Variants in SRPK3 observed in about 807,000 individuals in gnomAD.
SRPK3 encodes SRSF protein kinase 3.
SRPK3 carries 26 observed loss-of-function variants against 45.3 expected under a neutral mutation model. The observed-to-expected ratio is 0.57, with a 90% CI of 0.42 to 0.80. SRPK3 has a LOEUF of 0.80. Among genes scored for constraint, SRPK3 ranks in the 30% least tolerant of loss-of-function variants. The probability of loss-of-function intolerance (pLI) is 0.00; values close to 1 mark genes in which losing one functional copy is unlikely to be tolerated. For missense variants in SRPK3, 536 were observed against 514.5 expected (o/e 1.04, Z -0.40); for synonymous variants, 254 against 226.6 (o/e 1.12, Z -1.09).
chrX:153,783,831 G>GGCT lies in SRPK3; in HGVS notation c.857_859dup (p.Leu286dup). ...CAGCAGAAGCGGCTGCTGGAGGAGC[G>GGCT]GCTGCGGGACCTGCAGAGGCTGGAG... On this transcript the variant is annotated inframe_insertion, in exon 9 of 15. Transcript: ENST00000370101. 1.9e-5 allele frequency: 23 copies of GGCT among 1,200,695 alleles called. No individual in the cohort carries two copies. The highest frequency in any genetic ancestry group is 2.4e-5 in the Non-Finnish European group (21 of 890,410).
intron 2 of SRPK3, 54 bp downstream of exon 2, chrX:153,781,400 G>A: frequency 7.7e-6 from 9 of 1,170,759 alleles, no homozygotes; most frequent in Non-Finnish European, 1.0e-5. Flanking sequence ...GGGACCCAGG[G>A]CAGTCCTGGG....
At chrX:153,782,276 C>A in intron 5 of SRPK3, 68 bp downstream of exon 5, 1 of 971,874 alleles carries the variant, frequency 1.0e-6, no homozygotes, top group Non-Finnish European at 1.5e-6. Context: ...GCCCTCGCTG[C>A]TAGAGCCTGT....
intron 8 of SRPK3, among the ~76,000 whole-genome samples, 157 bp downstream of exon 8, chrX:153,783,408 G>A (rs2092064558): frequency 8.9e-6 from 1 of 112,639 alleles, no homozygotes; most frequent in Non-Finnish European, 1.9e-5. Flanking sequence ...AATTCCCGGG[G>A]GGGGTCAAGT....
rs1335895349 is a variant in SRPK3, at chrX:153,783,870, C to T, written c.893C>T (p.Ala298Val). Residue 298 changes from alanine to valine, a missense_variant, in exon 9 of 15, where the codon GCC becomes GTC. By Grantham distance (64) the Ala-to-Val change is moderately conservative. Transcript: ENST00000370101. The stretch of plus-strand genomic sequence containing the variant: ...CAGAGGCTGGAGGCCATGGAGGCTG[C>T]CACCCAGGCTGAGGGTGAGGGGCCA... Reference protein sequence around the residue: ...DLQRLEAMEAATQAEDSGLRL... With the variant: ...DLQRLEAMEAVTQAEDSGLRL... The T allele has an allele frequency of 7.6e-6, 9 of 1,189,996 alleles. No homozygotes were observed. The African/African-American group carries it at 1.4e-4, about 19-fold the overall frequency.
chrX:153,785,122 C>A lies in SRPK3; in HGVS notation c.1468C>A (p.Pro490Thr), dbSNP rs782478221. 36 of 1,211,128 alleles carry A rather than the reference C, an allele frequency of 3.0e-5. No homozygotes were observed. Among genetic ancestry groups the A allele is most frequent in the Non-Finnish European group, 4.0e-5 (36 of 895,383 alleles). ...HIVELLGDIPPAFALSGRYSR... is the reference protein window; with the variant it reads ...HIVELLGDIPTAFALSGRYSR... ...AGTGGAGCTTCTGGGGGACATCCCC[C>A]CAGCCTTCGCCCTCTCAGGCCGCTA... The change falls in exon 14 of 15, where the codon CCA becomes ACA. Residue 490 changes from proline to threonine, a missense_variant. Pro to Thr is a conservative substitution (Grantham distance 38, BLOSUM62 -1). Coordinates refer to ENST00000370101, the MANE Select transcript of SRPK3 (RefSeq NM_014370.4).
chrX:153,783,631 G>C, intron 8 of SRPK3, 121 bp from the exon 9 acceptor site: 1 of 1,089,321 alleles, frequency 9.2e-7, no homozygotes, highest in Non-Finnish European at 1.2e-6. Context: ...CCACATTCTG[G>C]TGTCCATGGG....
At position 153,784,375 on chromosome X, in the gene SRPK3, T is replaced by C. The variant is rs1557068205; in HGVS notation, c.1229T>C (p.Leu410Pro). ...AAGATCAAGATCAAGATCGCAGACC[T>C]GGGCAACGCCTGCTGGGTGGTATGA... ...ADKIKIKIAD[L>P]GNACWVHKHF... is the part of the protein sequence containing the mutation. Residue 410 changes from leucine to proline, a missense_variant, in exon 11 of 15, where the codon CTG (leucine) becomes CCG (proline). Transcript: ENST00000370101. The C allele has an allele frequency of 3.3e-6, 4 of 1,211,066 alleles. No individual in the cohort carries two copies. The highest frequency in any genetic ancestry group is 4.5e-6 in the Non-Finnish European group (4 of 895,295).
At chrX:153,783,147 G>A (rs782001663) in intron 7 of SRPK3, 29 bp downstream of exon 7, 56 of 1,181,576 alleles carry the variant, frequency 4.7e-5, no homozygotes, top group Non-Finnish European at 5.5e-5. Context: ...GGGCTGGGTC[G>A]GGGCCTCTGG....
At position 153,783,055 on chromosome X, in the gene SRPK3, C is replaced by T. The variant is rs375284895; in HGVS notation, c.685C>T (p.Arg229Cys). The T allele has an allele frequency of 1.8e-5, 21 of 1,175,491 alleles. No homozygotes were observed. The highest frequency in any genetic ancestry group is 3.0e-5 in the East Asian group (1 of 33,378). ...LLCVGDAYIR[R>C]LAAEATEWQQ... is the part of the protein sequence containing the mutation. ...GTGTGTGGGGGACGCTTACATCAGG[C>T]GCCTGGCTGCCGAGGCCACGGAGTG... Residue 229 changes from arginine (R) to cysteine (C), a missense_variant, in exon 7 of 15, where the codon CGC (arginine) becomes TGC (cysteine). Arg to Cys is a radical substitution (Grantham distance 180, BLOSUM62 -3). Coordinates refer to ENST00000370101, the MANE Select transcript of SRPK3 (RefSeq NM_014370.4).
chrX:153,783,252 G>C lies in SRPK3; in HGVS notation c.774+1G>C. 8.4e-7 allele frequency: 1 copy of C among 1,192,722 alleles called. No individual in the cohort carries two copies. On this transcript the variant is annotated splice_donor_variant, in intron 8 of 14. Coordinates refer to ENST00000370101, the MANE Select transcript of SRPK3 (RefSeq NM_014370.4). LOFTEE classifies it high-confidence loss of function. ...CAGCACTGCCCCCCAGGAGGTCTTG[G>C]TAAGTTGGGGGGCCCCTCTCTCCCA...
intron 14 of SRPK3, 65 bp downstream of exon 14, chrX:153,785,238 T>C (rs781875198): frequency 1.7e-5 from 20 of 1,180,383 alleles, no homozygotes; most frequent in Admixed American, 2.3e-5. Flanking sequence ...CCTTGGATTC[T>C]GCAACAGAGG....
chrX:153,781,098 C>T lies in SRPK3; in HGVS notation c.12C>T (p.Ser4=), dbSNP rs1557066597. The change falls in exon 1 of 15, where the codon AGC becomes AGT. Residue 4 remains serine, a synonymous_variant. Coordinates refer to ENST00000370101, the MANE Select transcript of SRPK3 (RefSeq NM_014370.4). MSA[S]TGGGGDSGGS... ...GCTGCGTGGCCGGGATGAGCGCCAG[C>T]ACGGGCGGTGGTGGGGACAGCGGCG... The T allele has an allele frequency of 9.0e-7, 1 of 1,110,409 alleles. No individual in the cohort carries two copies. Among genetic ancestry groups the T allele is most frequent in the Non-Finnish European group, 1.2e-6 (1 of 848,364 alleles). 91.5% of individuals were successfully genotyped at this position (1,110,409 alleles called of 1,213,427 possible). A position where few individuals can be genotyped will look rare whatever the true frequency, so the allele number is the denominator to read the frequency against.
At position 153,785,627 on chromosome X, in the gene SRPK3, C is replaced by A; in HGVS notation, c.*107C>A. 1 of 1,021,667 alleles carries A rather than the reference C, an allele frequency of 9.8e-7. No homozygotes were observed. The allele number at this position is 1,021,667 out of a possible 1,213,427, so 84.2% of individuals were successfully genotyped here. ...TCTCCACAACCACAGGGCAGAGAGA[C>A]GCTGGAGCCAGGCCCGGCTCTCAGA... On this transcript the variant is annotated 3_prime_UTR_variant, in exon 15 of 15. Transcript: ENST00000370101.
rs782351980 is a variant in SRPK3, at chrX:153,781,129, G to A, written c.43G>A (p.Gly15Ser). ...CGGTGGTGGGGACAGCGGCGGCAGC[G>A]GCGGCAGTAGCAGCAGGTAGGGCTC... Reference protein sequence around the residue: ...TGGGGDSGGSGGSSSSSQASC... With the variant: ...TGGGGDSGGSSGSSSSSQASC... The change falls in exon 1 of 15, where the codon GGC becomes AGC. Residue 15 changes from glycine (G) to serine (S), a missense_variant. Physicochemically the swap from Gly to Ser is moderately conservative, Grantham distance 56. Transcript: ENST00000370101. The A allele has an allele frequency of 3.7e-5, 43 of 1,152,185 alleles. No individual in the cohort carries two copies. The African/African-American group carries it at 5.4e-4, about 14-fold the overall frequency. The allele number at this position is 1,152,185 out of a possible 1,213,427, so 95.0% of individuals were successfully genotyped here. A position where few individuals can be genotyped will look rare whatever the true frequency, so the allele number is the denominator to read the frequency against.
At chrX:153,784,511 GGCACTGGTCCTGCCCAGTCAACA>G (rs1244817038) in intron 11 of SRPK3, 117 bp downstream of exon 11, 1 of 880,726 alleles carries the variant, frequency 1.1e-6, no homozygotes, top group Non-Finnish European at 1.6e-6. Flanking sequence ...CGGCTGGGTG[GGCACTGGTCCTGCCCAGTCAACA>G]GCACTGGGGC....
intron 11 of SRPK3, 64 bp downstream of exon 11, chrX:153,784,458 C>G: frequency 8.9e-7 from 1 of 1,120,645 alleles, no homozygotes; most frequent in Non-Finnish European, 1.2e-6. Context: ...CACAGGGCCG[C>G]TCTTGGGGAG....
Position 153,783,757 on chromosome X carries a change from C to A in SRPK3, c.780C>A (p.Thr260=). The A allele has an allele frequency of 1.7e-6, 2 of 1,210,599 alleles. No homozygotes were observed. Among genetic ancestry groups the A allele is most frequent in the Non-Finnish European group, 2.2e-6 (2 of 895,398 alleles). Reference sequence around the variant, plus strand: ...GGTGACCCTGGCTCTGACAGCAGACCGGTAAGCTGTCCAAAAACAAGAGGA... The same window carrying A: ...GGTGACCCTGGCTCTGACAGCAGACAGGTAAGCTGTCCAAAAACAAGAGGA... ...VSTAPQEVLQ[T]GKLSKNKRKK... The change falls in exon 9 of 15, where the codon ACC becomes ACA. Residue 260 remains threonine, a synonymous_variant. Coordinates refer to ENST00000370101, the MANE Select transcript of SRPK3 (RefSeq NM_014370.4).
At position 153,781,779 on chromosome X, in the gene SRPK3, T is replaced by C. The variant is rs782512409; in HGVS notation, c.336T>C (p.Ser112=). 2.0e-5 allele frequency: 24 copies of C among 1,209,630 alleles called. No individual in the cohort carries two copies. The East Asian group carries it at 3.9e-4, about 19-fold the overall frequency. Residue 112 remains serine (S), a synonymous_variant, in exon 4 of 15, where the codon AGT becomes AGC. Coordinates refer to ENST00000370101, the MANE Select transcript of SRPK3 (RefSeq NM_014370.4). ...TTGTGGCCCTCAAAGTGGTGAAGAG[T>C]GCGGGGCATTACACGGAGACAGCTG... ...KRFVALKVVK[S]AGHYTETAVD...
Position 153,785,709 on chromosome X carries a change from T to C in SRPK3, c.*189T>C. On this transcript the variant is annotated 3_prime_UTR_variant, in exon 15 of 15. Transcript: ENST00000370101. ...CTCGGAGAAAGTGTGTGTATTCCTTTCTTAATAAAGTGTGGACTGAACATC... is the reference window on the plus strand; with the variant it reads ...CTCGGAGAAAGTGTGTGTATTCCTTCCTTAATAAAGTGTGGACTGAACATC... 1 of 799,561 alleles carries C rather than the reference T, an allele frequency of 1.3e-6. No individual in the cohort carries two copies. The highest frequency in any genetic ancestry group is 1.8e-6 in the Non-Finnish European group (1 of 553,378). The allele number at this position is 799,561 out of a possible 1,213,427, so 65.9% of individuals were successfully genotyped here.
Sources: gnomAD v4.1 joint callset for allele counts (sites outside exome capture counted in the v4.1 genomes callset) on GRCh38, gnomAD v4.1.1 for gene constraint, MANE v1.5 for transcripts, NCBI Gene and HGNC (gene_info 2026-07-23, HGNC 2026-07-21) for gene names.